ASTN2: variants seen among roughly 807,000 people sequenced by gnomAD.
ASTN2 encodes astrotactin-2.
ASTN2 carries 54 observed loss-of-function variants against 139.8 expected under a neutral mutation model. The observed-to-expected ratio is 0.39, with a 90% CI of 0.31 to 0.48. The LOEUF is 0.48. ASTN2 is among the 20% of genes least tolerant of loss of function. The pLI, the probability that ASTN2 is intolerant of heterozygous loss-of-function variation, is 0.95. For missense variants in ASTN2, 1,565 were observed against 1,725.1 expected, an observed-to-expected ratio of 0.91 and a Z score of 1.64; for synonymous variants, 756 against 719.5, an observed-to-expected ratio of 1.05 and a Z score of -0.81.
chr9:117,038,219 C>T (rs978257816), intron 6 of ASTN2, among the ~76,000 whole-genome samples: 16 of 151,926 alleles, frequency 1.1e-4, no homozygotes, highest in Admixed American at 2.0e-4. Context: ...TTCTGAATAC[C>T]GAAACTTAAC....
At chr9:117,214,931 A>G (rs1320319831) in intron 2 of ASTN2, among the ~76,000 whole-genome samples, 189 bp from the exon 3 acceptor site, 1 of 152,172 alleles carries the variant, frequency 6.6e-6, no homozygotes, top group African/African-American at 2.4e-5. Flanking sequence ...CCAACAAACT[A>G]TGTGACCCTA....
intron 1 of ASTN2, among the ~76,000 whole-genome samples, chr9:117,316,529 T>A (rs1828149607): frequency 6.6e-6 from 1 of 152,144 alleles, no homozygotes; most frequent in South Asian, 2.1e-4. Flanking sequence ...CATTGGTGTC[T>A]TGACCATGGT....
At chr9:117,318,894 C>T (rs12377200) in intron 1 of ASTN2, among the ~76,000 whole-genome samples, 5 of 152,094 alleles carry the variant, frequency 3.3e-5, no homozygotes, top group African/African-American at 1.2e-4. Context: ...CCTAAAGGAC[C>T]AAGAGGTGCT....
At chr9:116,607,511 C>T (rs886682235) in intron 19 of ASTN2, among the ~76,000 whole-genome samples, 2 of 151,996 alleles carry the variant, frequency 1.3e-5, no homozygotes, top group Admixed American at 6.6e-5. Context: ...GCCAGATAAC[C>T]AAAAATAAAC....
At chr9:117,096,980 A>G (rs1457706138) in intron 4 of ASTN2, among the ~76,000 whole-genome samples, 2 of 152,196 alleles carry the variant, frequency 1.3e-5, no homozygotes, top group African/African-American at 4.8e-5. Context: ...AACGGAGGAT[A>G]GGGAGCTTTA....
intron 19 of ASTN2, among the ~76,000 whole-genome samples, chr9:116,499,821 T>TAGAG (rs561306103): frequency 1.5e-3 from 225 of 152,120 alleles, no homozygotes; most frequent in African/African-American, 4.1e-3. Flanking sequence ...GAGTACTGAG[T>TAGAG]AGAGATTCAG....
chr9:117,149,143 C>T (rs1830270007), intron 3 of ASTN2, among the ~76,000 whole-genome samples: 1 of 152,040 alleles, frequency 6.6e-6, no homozygotes, highest in African/African-American at 2.4e-5. Flanking sequence ...CCTCAGACTC[C>T]CGAGTAGCTG....
chr9:116,553,027 G>T (rs1852423480), intron 19 of ASTN2, among the ~76,000 whole-genome samples: 1 of 152,190 alleles, frequency 6.6e-6, no homozygotes, highest in Admixed American at 6.5e-5. Flanking sequence ...ATGAGGCCAG[G>T]TAAGACAGAG....
intron 19 of ASTN2, among the ~76,000 whole-genome samples, chr9:116,616,806 A>AG: frequency 6.8e-6 from 1 of 146,912 alleles, no homozygotes; most frequent in Non-Finnish European, 1.5e-5. Context: ...CACACACACA[A>AG]AATACACACC....
chr9:116,724,511 T>C (rs1828562109), intron 16 of ASTN2, among the ~76,000 whole-genome samples: 1 of 152,108 alleles, frequency 6.6e-6, no homozygotes, highest in Non-Finnish European at 1.5e-5. Flanking sequence ...TGCAGCTGCA[T>C]AAAAAGCACT....
intron 12 of ASTN2, among the ~76,000 whole-genome samples, chr9:116,806,599 A>G (rs1354817316): frequency 6.6e-6 from 1 of 152,162 alleles, no homozygotes. Flanking sequence ...GTGCACATAA[A>G]TAAGACAGAC....
rs142499777 is a variant in ASTN2 at position 117,325,708 on chromosome 9, C to T, written c.443-34195G>A. 1.3e-3 allele frequency among the ~76,000 whole-genome samples: 195 copies of T among 152,244 alleles called. No individual in the cohort carries two copies. The East Asian group carries it at 0.017, about 13-fold the overall frequency. On this transcript the variant is annotated intron_variant, in intron 1 of 22. Coordinates refer to ENST00000313400, the MANE Select transcript of ASTN2 (RefSeq NM_001365068.1). ...GTCAAGATAATGCCACTTTCCCTCA[C>T]GCCCTCCCAGACAAATAACTGGGCA...
chr9:116,659,569 T>G (rs1858432514), intron 16 of ASTN2, among the ~76,000 whole-genome samples: 1 of 152,184 alleles, frequency 6.6e-6, no homozygotes, highest in South Asian at 2.1e-4. Flanking sequence ...TTCTGCTCTT[T>G]CCACTGTCCA....
chr9:117,215,915 A>T (rs1206587708), intron 2 of ASTN2, among the ~76,000 whole-genome samples: 2 of 152,188 alleles, frequency 1.3e-5, no homozygotes, highest in African/African-American at 4.8e-5. Flanking sequence ...TCAAAAAATC[A>T]AGAGACCCAG....
At chr9:117,347,579 C>T (rs1446924881) in intron 1 of ASTN2, among the ~76,000 whole-genome samples, 10 of 152,140 alleles carry the variant, frequency 6.6e-5, no homozygotes. Context: ...AGGCCTTCTG[C>T]TTTGTCTAGT....
chr9:116,884,955 A>T (rs982966854), intron 10 of ASTN2, among the ~76,000 whole-genome samples: 11 of 151,762 alleles, frequency 7.2e-5, no homozygotes, highest in Non-Finnish European at 1.6e-4. Context: ...AGCTGGGATT[A>T]CAGGCGCCCG....
At chr9:117,069,172 T>G (rs1828037900) in intron 5 of ASTN2, among the ~76,000 whole-genome samples, 1 of 80,442 alleles carries the variant, frequency 1.2e-5, no homozygotes, top group Non-Finnish European at 2.4e-5. Context: ...CTCTACACAC[T>G]GCTTTGAATG....
chr9:116,932,029 G>A (rs1290600156), intron 10 of ASTN2, among the ~76,000 whole-genome samples: 2 of 152,126 alleles, frequency 1.3e-5, no homozygotes, highest in Non-Finnish European at 2.9e-5. Flanking sequence ...GGTGGTAGGG[G>A]GAAGGGGTAG....
chr9:117,069,964 A>G (rs941613908), intron 5 of ASTN2, among the ~76,000 whole-genome samples: 2 of 138,676 alleles, frequency 1.4e-5, no homozygotes, highest in African/African-American at 5.5e-5. Flanking sequence ...TCTTTATCCA[A>G]TTTGCCAGTC....
Sources: allele counts gnomAD v4.1 joint callset (sites outside exome capture counted in the v4.1 genomes callset), GRCh38; gene constraint gnomAD v4.1.1; transcripts MANE v1.5; gene names NCBI Gene and HGNC (gene_info 2026-07-23, HGNC 2026-07-21).